CAMK2A: variants seen among roughly 807,000 people sequenced by gnomAD.
CAMK2A encodes the protein calcium/calmodulin-dependent protein kinase type II subunit alpha.
Under a neutral mutation model 79.2 loss-of-function variants are expected in CAMK2A, and 7 were observed. The observed-to-expected ratio is 0.09, with a 90% confidence interval of 0.05 to 0.17. CAMK2A has a LOEUF of 0.17. Among genes scored for constraint, CAMK2A ranks in the 10% least tolerant of loss-of-function variants. The probability of loss-of-function intolerance (pLI) is 1.00; values close to 1 mark genes in which losing one functional copy is unlikely to be tolerated. For synonymous variants in CAMK2A, 242 were observed against 251.7 expected, an observed-to-expected ratio of 0.96 and a Z score of 0.36; for missense variants, 214 against 646.4, an observed-to-expected ratio of 0.33 and a Z score of 7.25.
chr5:150,278,857 C>T (rs890418391), intron 1 of CAMK2A, among the ~76,000 whole-genome samples: 16 of 152,078 alleles, frequency 1.1e-4, no homozygotes, highest in African/African-American at 1.7e-4. Context: ...ACAAAGCACA[C>T]GTATATCACC....
intron 1 of CAMK2A, among the ~76,000 whole-genome samples, chr5:150,283,000 G>A (rs115171577): frequency 6.6e-6 from 1 of 152,344 alleles, no homozygotes; most frequent in African/African-American, 2.4e-5. Flanking sequence ...GGGCCCCTCA[G>A]GCCCCAGGAC....
intron 12 of CAMK2A, 106 bp downstream of exon 12, chr5:150,247,666 C>T (rs1445358609): frequency 3.5e-6 from 3 of 862,042 alleles, no homozygotes; most frequent in Non-Finnish European, 5.5e-6. Flanking sequence ...CTACAACTCC[C>T]TCTCCCCAGG....
intron 1 of CAMK2A, 39 bp downstream of exon 1, chr5:150,289,525 C>T (rs1232622423): frequency 3.2e-6 from 5 of 1,546,676 alleles, no homozygotes; most frequent in Non-Finnish European, 3.6e-6. Flanking sequence ...GACCTCCCCG[C>T]CCCCCATGCC....
In CAMK2A at chr5:150,222,674, T is replaced by C. The variant is rs756921569; in HGVS notation, c.*36A>G. 1.1e-5 allele frequency: 18 copies of C among 1,613,234 alleles called. No individual in the cohort carries two copies. Among genetic ancestry groups the C allele is most frequent in the Non-Finnish European group, 1.5e-5 (18 of 1,179,292 alleles). On this transcript the variant is annotated 3_prime_UTR_variant, in exon 19 of 19. Transcript: ENST00000671881. ...CCACTCCACGGACAGAGTGGATCTC[T>C]GCGGCACAGCAACGCAGCGACCCCA...
In CAMK2A at chr5:150,251,895, G is replaced by A. The variant is rs59160997; in HGVS notation, c.599-51C>T. ...AACCCCCTGTGGGGAGGAGACATGG[G>A]GGGAGGGGAGTGATGGGAAAGGAGA... On this transcript the variant is annotated intron_variant, in intron 8 of 18. Transcript: ENST00000671881. 1.5e-3 allele frequency: 2,272 copies of A among 1,548,978 alleles called. 34 individuals are homozygous for A. The African/African-American group carries it at 0.025, about 17-fold the overall frequency.
intron 16 of CAMK2A, among the ~76,000 whole-genome samples, chr5:150,230,187 G>A (rs1017112401): frequency 4.0e-5 from 6 of 151,724 alleles, no homozygotes; most frequent in Non-Finnish European, 8.8e-5. Context: ...GCGTGGTGGC[G>A]TGCACCTGTA....
chr5:150,234,039 C>T (rs568018194), intron 15 of CAMK2A, among the ~76,000 whole-genome samples: 267 of 152,300 alleles, frequency 1.8e-3, no homozygotes, highest in Non-Finnish European at 3.1e-3. Flanking sequence ...TCACGAGCTC[C>T]TGGCCTCAGG....
chr5:150,255,176 T>C (rs1048947350), intron 6 of CAMK2A, among the ~76,000 whole-genome samples: 1 of 152,140 alleles, frequency 6.6e-6, no homozygotes, highest in African/African-American at 2.4e-5. Context: ...CTCTCCTCCT[T>C]CCTCCTCCAG....
intron 1 of CAMK2A, among the ~76,000 whole-genome samples, chr5:150,279,502 T>C (rs1489688903): frequency 1.3e-5 from 2 of 152,076 alleles, no homozygotes; most frequent in Non-Finnish European, 2.9e-5. Context: ...TTTGGCAGAG[T>C]CCCTGGGGTA....
intron 6 of CAMK2A, among the ~76,000 whole-genome samples, chr5:150,255,342 G>A (rs1023275886): frequency 2.0e-5 from 3 of 152,262 alleles, no homozygotes; most frequent in African/African-American, 7.2e-5. Flanking sequence ...GCCCAGGACA[G>A]TCAGAGAGGG....
chr5:150,271,279 C>T (rs764902275), intron 2 of CAMK2A, among the ~76,000 whole-genome samples: 3 of 152,198 alleles, frequency 2.0e-5, no homozygotes, highest in Non-Finnish European at 4.4e-5. Flanking sequence ...ACGTGGGGCT[C>T]CTGGTCCTTC....
chr5:150,287,714 T>C (rs961186081), intron 1 of CAMK2A, among the ~76,000 whole-genome samples: 1 of 152,058 alleles, frequency 6.6e-6, no homozygotes, highest in East Asian at 1.9e-4. Flanking sequence ...ATCAGGGAAT[T>C]CTTGGGTTCT....
intron 13 of CAMK2A, among the ~76,000 whole-genome samples, chr5:150,242,505 C>G (rs1046193405): frequency 1.3e-5 from 2 of 152,188 alleles, no homozygotes; most frequent in Non-Finnish European, 2.9e-5. Context: ...TTGTCTCCAG[C>G]TGCCCAGCGG....
intron 7 of CAMK2A, among the ~76,000 whole-genome samples, chr5:150,252,899 C>A (rs1278051681): frequency 1.3e-5 from 2 of 152,206 alleles, no homozygotes; most frequent in African/African-American, 2.4e-5. Context: ...ACCCAGAACT[C>A]TGGTTCTTAA....
chr5:150,243,007 C>T (rs981487287), intron 13 of CAMK2A, among the ~76,000 whole-genome samples: 1 of 152,234 alleles, frequency 6.6e-6, no homozygotes, highest in Non-Finnish European at 1.5e-5. Context: ...CCACAGGAAG[C>T]AGTGACGCTT....
chr5:150,253,045 C>G (rs971955460), intron 7 of CAMK2A, among the ~76,000 whole-genome samples: 1 of 152,248 alleles, frequency 6.6e-6, no homozygotes, highest in Non-Finnish European at 1.5e-5. Context: ...TGACCTTCTG[C>G]AAGTTTTCTG....
At chr5:150,259,760 G>A (rs1210727919) in intron 3 of CAMK2A, among the ~76,000 whole-genome samples, 1 of 151,708 alleles carries the variant, frequency 6.6e-6, no homozygotes, top group African/African-American at 2.4e-5. Context: ...CCTGAGGTCA[G>A]GAGTTTGAGA....
chr5:150,261,030 A>G (rs763500003), intron 3 of CAMK2A, among the ~76,000 whole-genome samples: 1 of 152,186 alleles, frequency 6.6e-6, no homozygotes, highest in Non-Finnish European at 1.5e-5. Context: ...AGCCACAAGA[A>G]GACTGGAGTC....
chr5:150,272,246 C>T (rs1320330992), intron 2 of CAMK2A, among the ~76,000 whole-genome samples: 2 of 151,932 alleles, frequency 1.3e-5, no homozygotes, highest in Non-Finnish European at 2.9e-5. Context: ...CAGGGAAAGC[C>T]ATAAAGGAAA....
Sources: allele counts gnomAD v4.1 joint callset (sites outside exome capture counted in the v4.1 genomes callset), GRCh38; gene constraint gnomAD v4.1.1; transcripts MANE v1.5; gene names NCBI Gene and HGNC (gene_info 2026-07-23, HGNC 2026-07-21).